Variants in ZC3H3 observed in about 807,000 individuals in gnomAD.
The protein encoded by ZC3H3 is zinc finger CCCH domain-containing protein 3.
A neutral mutation model predicts 77.3 loss-of-function variants in ZC3H3; 36 were observed. The observed-to-expected ratio is 0.47, with a 90% CI of 0.36 to 0.61. ZC3H3 has a LOEUF of 0.61. Among genes scored for constraint, ZC3H3 ranks in the 20% least tolerant of loss-of-function variants. The pLI, the probability that ZC3H3 is intolerant of heterozygous loss-of-function variation, is 0.00. For missense variants in ZC3H3, 1,331 were observed against 1,312.2 expected (o/e 1.01, Z -0.22); for synonymous variants, 626 against 555.2 (o/e 1.13, Z -1.79).
chr8:143,537,339 C>A (rs1425918561), intron 2 of ZC3H3, among the ~76,000 whole-genome samples: 1 of 152,228 alleles, frequency 6.6e-6, no homozygotes, highest in Non-Finnish European at 1.5e-5. Flanking sequence ...AGCCTCAACA[C>A]TCCGCAAGGG....
intron 9 of ZC3H3, among the ~76,000 whole-genome samples, chr8:143,450,528 C>T (rs1586876676): frequency 6.6e-6 from 1 of 152,248 alleles, no homozygotes; most frequent in Non-Finnish European, 1.5e-5. Context: ...GCTCACAGTT[C>T]ACAGGCTGTA....
rs1458239301 is a variant in ZC3H3, at chr8:143,493,009, C to T, written c.1715+14737G>A. 3.3e-4 allele frequency among the ~76,000 whole-genome samples: 2 copies of T among 5,986 alleles called. No homozygotes were observed. The highest frequency in any genetic ancestry group is 6.9e-3 in the East Asian group (2 of 290). The allele number at this position is 5,986 out of a possible 152,430, so 3.9% of individuals were successfully genotyped here. ...AGGCTCCCGTGTCCTGGCCCAGGGG[C>T]TCCCTCCTCAGGCTCCCGTGTCCTG... On this transcript the variant is annotated intron_variant, in intron 4 of 11. Coordinates refer to ENST00000262577, the MANE Select transcript of ZC3H3 (RefSeq NM_015117.3). This position sits in a 1 kb window ranked among gnomAD's most constrained non-coding sequence, Gnocchi z 4.8.
intron 1 of ZC3H3, among the ~76,000 whole-genome samples, chr8:143,539,658 G>A (rs1822943955): frequency 6.6e-6 from 1 of 152,216 alleles, no homozygotes; most frequent in Non-Finnish European, 1.5e-5. Flanking sequence ...TCAGTCTGAA[G>A]AGAATCGCAA....
chr8:143,492,244 G>A (rs1316053416), intron 4 of ZC3H3, among the ~76,000 whole-genome samples: 6 of 152,118 alleles, frequency 3.9e-5, no homozygotes, highest in Non-Finnish European at 5.9e-5. Context: ...GCCTCCAGGC[G>A]CCCCCTCCTC....
chr8:143,498,818 C>T (rs1821433566), intron 4 of ZC3H3, among the ~76,000 whole-genome samples: 2 of 66,828 alleles, frequency 3.0e-5, no homozygotes, highest in African/African-American at 1.2e-4. Context: ...GGGCACAGGG[C>T]GGGGCAGAGG....
At chr8:143,475,094 A>G (rs62521920) in intron 5 of ZC3H3, among the ~76,000 whole-genome samples, 23,718 of 152,292 alleles carry the variant, frequency 0.16, 2,389 homozygotes, top group East Asian at 0.33. Context: ...TGGCAGAGGA[A>G]GGCCTCCTGG....
At chr8:143,438,308 G>A (rs1275861615) in intron 11 of ZC3H3, among the ~76,000 whole-genome samples, 1 of 152,166 alleles carries the variant, frequency 6.6e-6, no homozygotes, top group African/African-American at 2.4e-5. Context: ...GTGAGCCTCT[G>A]TGGCTGTCTA....
intron 4 of ZC3H3, among the ~76,000 whole-genome samples, chr8:143,481,230 C>T (rs1026049950): frequency 6.6e-6 from 1 of 152,222 alleles, no homozygotes; most frequent in Non-Finnish European, 1.5e-5. Flanking sequence ...GTGGTGCGAC[C>T]AGCGGCTACA....
chr8:143,489,606 G>C (rs953407317), intron 4 of ZC3H3, among the ~76,000 whole-genome samples: 1 of 152,242 alleles, frequency 6.6e-6, no homozygotes, highest in Non-Finnish European at 1.5e-5. Context: ...AGAGCACTGA[G>C]GGTACTGAGC....
intron 4 of ZC3H3, among the ~76,000 whole-genome samples, chr8:143,497,544 G>A (rs1354056862): frequency 3.3e-5 from 5 of 152,200 alleles, no homozygotes; most frequent in African/African-American, 1.2e-4. Context: ...GTCCCATCCT[G>A]GCAGCTGTGG....
intron 4 of ZC3H3, among the ~76,000 whole-genome samples, chr8:143,478,653 G>T (rs143765988): frequency 1.3e-3 from 194 of 152,328 alleles, no homozygotes; most frequent in African/African-American, 4.5e-3. Context: ...GGGATTACAG[G>T]CATGTGCCAA....
chr8:143,521,691 C>T (rs936140036), intron 3 of ZC3H3, among the ~76,000 whole-genome samples: 1 of 152,224 alleles, frequency 6.6e-6, no homozygotes, highest in Non-Finnish European at 1.5e-5. Context: ...ACCCCACAGC[C>T]GTGAGGCCAG....
intron 4 of ZC3H3, among the ~76,000 whole-genome samples, chr8:143,499,425 T>A (rs1204468819): frequency 6.6e-6 from 1 of 151,614 alleles, no homozygotes; most frequent in African/African-American, 2.4e-5. Context: ...TGGCCCTGGG[T>A]CTTGCCCCTC....
rs1301880232 is a variant in ZC3H3 at position 143,460,487 on chromosome 8, C to T, written c.2307+5230G>A. On this transcript the variant is annotated intron_variant, in intron 9 of 11. Transcript: ENST00000262577. The surrounding 1 kb of genome is among the most constrained non-coding windows in gnomAD (Gnocchi z 4.0). ...CTGGGAACGTAAAGTGGTTCAGCCA[C>T]AACAGAAAACACTTGCCGATTCCTC... 2.6e-5 allele frequency among the ~76,000 whole-genome samples: 4 copies of T among 152,028 alleles called. No homozygotes were observed. The highest frequency in any genetic ancestry group is 9.7e-5 in the African/African-American group (4 of 41,388).
intron 4 of ZC3H3, among the ~76,000 whole-genome samples, chr8:143,491,641 G>C (rs1821206004): frequency 6.6e-6 from 1 of 152,262 alleles, no homozygotes; most frequent in Non-Finnish European, 1.5e-5. Context: ...GGTACAGAGA[G>C]GACCCCCCTG....
Position 143,460,146 on chromosome 8 carries a change from G to T in ZC3H3, c.2307+5571C>A, listed in dbSNP as rs1488393144. ...ACCTGTAGTCCCAGCTACTTGGGAG[G>T]CTGAGGCAGGAGAATCACTCGAACC... On this transcript the variant is annotated intron_variant, in intron 9 of 11. Transcript: ENST00000262577. The surrounding 1 kb of genome is among the most constrained non-coding windows in gnomAD (Gnocchi z 4.0). 2.6e-5 allele frequency among the ~76,000 whole-genome samples: 4 copies of T among 151,998 alleles called. No individual in the cohort carries two copies. Among genetic ancestry groups the T allele is most frequent in the Non-Finnish European group, 5.9e-5 (4 of 68,012 alleles).
intron 1 of ZC3H3, among the ~76,000 whole-genome samples, chr8:143,540,478 C>T (rs1240225704): frequency 6.6e-6 from 1 of 152,216 alleles, no homozygotes; most frequent in East Asian, 1.9e-4. Flanking sequence ...CATCCTCCTG[C>T]CATAGCCTCC....
At chr8:143,450,354 T>C (rs753563971) in intron 9 of ZC3H3, among the ~76,000 whole-genome samples, 59 of 152,308 alleles carry the variant, frequency 3.9e-4, no homozygotes, top group Admixed American at 2.2e-3. Flanking sequence ...CTAATTCTTC[T>C]ATTTTCAGTA....
Position 143,538,904 on chromosome 8 carries a change from T to C in ZC3H3, c.463A>G (p.Ser155Gly). The C allele has an allele frequency of 6.2e-7, 1 of 1,612,912 alleles. No homozygotes were observed. The highest frequency in any genetic ancestry group is 8.5e-7 in the Non-Finnish European group (1 of 1,179,996). Residue 155 changes from serine (S) to glycine (G), a missense_variant, in exon 2 of 12, where the codon AGT (serine) becomes GGT (glycine). Physicochemically the swap from Ser to Gly is moderately conservative, Grantham distance 56. This residue lies in a region of ZC3H3 where 978 missense variants were observed against 915.5 expected (regional missense o/e 1.07). Transcript: ENST00000262577. ...TCACCTTCCCGGGGCCTTTGGTCAC[T>C]CCAGGGGGTTTCCTCAAATTCTTCC... ...SLEEFEETPW[S>G]DQRPREGEGE...
Sources: gnomAD v4.1 joint callset for allele counts (sites outside exome capture counted in the v4.1 genomes callset) on GRCh38, gnomAD v4.1.1 for gene constraint, gnomAD v4.1.1 regional missense constraint, Gnocchi (gnomAD v3.1) non-coding constraint, MANE v1.5 for transcripts, NCBI Gene and HGNC (gene_info 2026-07-23, HGNC 2026-07-21) for gene names.